The following RPIA variants were observed in gnomAD, a reference collection of about 807,000 sequenced individuals.
RPIA encodes the protein ribose 5-phosphate isomerase A.
Under a neutral mutation model 37.8 loss-of-function variants are expected in RPIA, and 29 were observed. The ratio of observed to expected loss-of-function variants is 0.77; its 90% confidence interval spans 0.57 to 1.05. The LOEUF (loss-of-function observed/expected upper bound fraction) is 1.05. RPIA is among the 50% of genes least tolerant of loss of function. RPIA has a pLI of 0.00. For synonymous variants in RPIA, 167 were observed against 157.0 expected (o/e 1.06, Z -0.48); for missense variants, 385 against 413.6 (o/e 0.93, Z 0.60).
chr2:88,697,405 G>A (rs1672762877), intron 1 of RPIA, among the ~76,000 whole-genome samples: 2 of 152,212 alleles, frequency 1.3e-5, no homozygotes, highest in African/African-American at 4.8e-5. Flanking sequence ...GTGTTCACTT[G>A]GCTTTGCCTT....
chr2:88,724,236 G>T (rs1673169757), intron 3 of RPIA, among the ~76,000 whole-genome samples: 1 of 152,278 alleles, frequency 6.6e-6, no homozygotes, highest in East Asian at 1.9e-4. Context: ...AGCATGAGAG[G>T]CCAGAGTCAG....
intron 1 of RPIA, among the ~76,000 whole-genome samples, chr2:88,693,701 G>A (rs927605638): frequency 1.3e-5 from 2 of 152,228 alleles, no homozygotes; most frequent in African/African-American, 4.8e-5. Flanking sequence ...ACACAAATAC[G>A]AAAGTGTTGG....
At chr2:88,741,965 T>A (rs10207502) in intron 8 of RPIA, among the ~76,000 whole-genome samples, 9,807 of 152,236 alleles carry the variant, frequency 0.064, 568 homozygotes, top group African/African-American at 0.15. Flanking sequence ...CCTTTTTCAG[T>A]TGTATAGATT....
At chr2:88,712,286 G>GGTT (rs1210367802) in intron 3 of RPIA, among the ~76,000 whole-genome samples, 1 of 152,212 alleles carries the variant, frequency 6.6e-6, no homozygotes, top group African/African-American at 2.4e-5. Flanking sequence ...TAGGCAAGAA[G>GGTT]GTTACAATCA....
chr2:88,719,765 A>G (rs1361179935), intron 3 of RPIA, among the ~76,000 whole-genome samples: 1 of 152,188 alleles, frequency 6.6e-6, no homozygotes, highest in Non-Finnish European at 1.5e-5. Context: ...TAAAATTTTA[A>G]TCTTGAACAT....
At chr2:88,728,494 A>T (rs935864843) in intron 3 of RPIA, among the ~76,000 whole-genome samples, 3 of 152,198 alleles carry the variant, frequency 2.0e-5, no homozygotes, top group African/African-American at 7.2e-5. Context: ...TTTACAAAAA[A>T]GTTTTCCATC....
At chr2:88,743,628 T>C (rs192982300) in intron 8 of RPIA, among the ~76,000 whole-genome samples, 1 of 152,330 alleles carries the variant, frequency 6.6e-6, no homozygotes, top group Non-Finnish European at 1.5e-5. Context: ...ATTCTTTGAA[T>C]GTCTGATAGA....
chr2:88,728,337 G>C (rs1673223567), intron 3 of RPIA, among the ~76,000 whole-genome samples: 1 of 152,148 alleles, frequency 6.6e-6, no homozygotes, highest in African/African-American at 2.4e-5. Context: ...GTTGGCCTCG[G>C]TCATTTCATC....
intron 3 of RPIA, among the ~76,000 whole-genome samples, chr2:88,716,358 C>T (rs1215899088): frequency 6.6e-6 from 1 of 152,184 alleles, no homozygotes; most frequent in Admixed American, 6.5e-5. Flanking sequence ...ACCCCAACCA[C>T]CTTGGGACAC....
At chr2:88,702,630 G>C (rs903486496) in intron 3 of RPIA, among the ~76,000 whole-genome samples, 1 of 152,178 alleles carries the variant, frequency 6.6e-6, no homozygotes, top group Non-Finnish European at 1.5e-5. Flanking sequence ...TCTCCCACCA[G>C]GTCACTCCCA....
rs765827607 is a variant in RPIA at position 88,691,789 on chromosome 2, G to C, written c.91G>C (p.Gly31Arg). Residue 31 changes from glycine to arginine, a missense_variant, in exon 1 of 9, where the codon GGG becomes CGG. Physicochemically the swap from Gly to Arg is moderately radical, Grantham distance 125 (BLOSUM62 -2). Coordinates refer to ENST00000283646, the MANE Select transcript of RPIA (RefSeq NM_144563.3). ...RAGGAASGGG[G>R]NSWDLPGSHV... is the part of the protein sequence containing the mutation. ...CGGGGGCGCGGCCTCCGGCGGAGGA[G>C]GGAACAGCTGGGACCTCCCGGGTTC... The C allele has an allele frequency of 6.3e-7, 1 of 1,593,330 alleles. No individual in the cohort carries two copies. The highest frequency in any genetic ancestry group is 1.7e-5 in the Admixed American group (1 of 57,198).
At chr2:88,705,413 T>A (rs772300872) in intron 3 of RPIA, among the ~76,000 whole-genome samples, 4 of 152,080 alleles carry the variant, frequency 2.6e-5, no homozygotes, top group Non-Finnish European at 4.4e-5. Context: ...AGACTGCACA[T>A]CTACAATCAT....
chr2:88,697,795 C>T (rs1163288793), intron 1 of RPIA, among the ~76,000 whole-genome samples: 2 of 152,138 alleles, frequency 1.3e-5, no homozygotes, highest in African/African-American at 4.8e-5. Flanking sequence ...AAATGAGCAC[C>T]CCTTGGTGTC....
At chr2:88,692,098 T>G (rs1573456504) in intron 1 of RPIA, 115 bp downstream of exon 1, 1 of 1,334,804 alleles carries the variant, frequency 7.5e-7, no homozygotes. Flanking sequence ...GGGAGCTGAG[T>G]GAGAGGGTAG....
chr2:88,741,735 A>G, intron 8 of RPIA, among the ~76,000 whole-genome samples: 1 of 152,166 alleles, frequency 6.6e-6, no homozygotes, highest in Non-Finnish European at 1.5e-5. Flanking sequence ...ATCCATGCCA[A>G]CATCTATTAT....
chr2:88,701,720 C>T (rs895201051), intron 3 of RPIA, among the ~76,000 whole-genome samples: 19 of 30,476 alleles, frequency 6.2e-4, no homozygotes, highest in Non-Finnish European at 4.2e-4. Context: ...AAACTGGGAG[C>T]GTGTCCCTTT....
chr2:88,707,928 A>T (rs1360925196), intron 3 of RPIA, among the ~76,000 whole-genome samples: 1 of 152,174 alleles, frequency 6.6e-6, no homozygotes, highest in Non-Finnish European at 1.5e-5. Context: ...AACTGGTGCC[A>T]TGGGCTATCG....
chr2:88,714,351 T>C (rs1673006585), intron 3 of RPIA, among the ~76,000 whole-genome samples: 1 of 152,142 alleles, frequency 6.6e-6, no homozygotes, highest in Admixed American at 6.5e-5. Context: ...TTTGTATTTC[T>C]AGTAGAGACA....
chr2:88,699,580 A>G (rs1672803364), intron 2 of RPIA, among the ~76,000 whole-genome samples: 1 of 152,216 alleles, frequency 6.6e-6, no homozygotes, highest in Non-Finnish European at 1.5e-5. Context: ...GTGTGGCTAC[A>G]TGGCCTGGGA....
Sources: gnomAD v4.1 joint callset for allele counts (sites outside exome capture counted in the v4.1 genomes callset) on GRCh38, gnomAD v4.1.1 for gene constraint, MANE v1.5 for transcripts, NCBI Gene and HGNC (gene_info 2026-07-23, HGNC 2026-07-21) for gene names.